SCML2: variants seen among roughly 807,000 people sequenced by gnomAD.
SCML2 encodes the protein Scm polycomb group protein like 2.
Under a neutral mutation model 48.4 loss-of-function variants are expected in SCML2, and 6 were observed. The observed-to-expected ratio is 0.12, with a 90% CI of 0.07 to 0.24. SCML2 has a LOEUF of 0.24. Ranked by LOEUF, SCML2 falls within the 10% of genes least tolerant of loss-of-function variation. The pLI is 1.00. For synonymous variants in SCML2, 181 were observed against 189.5 expected, an observed-to-expected ratio of 0.95 and a Z score of 0.37; for missense variants, 377 against 528.2, an observed-to-expected ratio of 0.71 and a Z score of 2.81.
intron 1 of SCML2, among the ~76,000 whole-genome samples, chrX:18,347,985 A>C (rs1005485487): frequency 6.3e-5 from 7 of 111,416 alleles, no homozygotes; most frequent in African/African-American, 2.3e-4. Flanking sequence ...AATTTAAGTT[A>C]CCCCCCAAAA....
At chrX:18,336,370 C>T (rs1440673226) in intron 1 of SCML2, among the ~76,000 whole-genome samples, 3 of 102,449 alleles carry the variant, frequency 2.9e-5, no homozygotes, top group Non-Finnish European at 5.9e-5. Context: ...ACCCAGGAGG[C>T]GGAGGTTGCA....
chrX:18,340,242 A>G (rs937198083), intron 1 of SCML2, among the ~76,000 whole-genome samples: 1 of 110,204 alleles, frequency 9.1e-6, no homozygotes, highest in African/African-American at 3.3e-5. Flanking sequence ...AGTGAAACCC[A>G]TCTCTACAAA....
chrX:18,262,870 T>C (rs1372290525), intron 8 of SCML2, among the ~76,000 whole-genome samples: 1 of 107,329 alleles, frequency 9.3e-6, no homozygotes, highest in Non-Finnish European at 1.9e-5. Flanking sequence ...CGTGTGCCAC[T>C]GCACCCAGCT....
chrX:18,286,370 A>G (rs1338253977), intron 7 of SCML2, among the ~76,000 whole-genome samples: 1 of 111,970 alleles, frequency 8.9e-6, no homozygotes, highest in African/African-American at 3.2e-5. Context: ...TAAAAATAAC[A>G]TTAGAAATAC....
At chrX:18,244,561 A>T (rs1926374712) in intron 13 of SCML2, among the ~76,000 whole-genome samples, 1 of 111,975 alleles carries the variant, frequency 8.9e-6, no homozygotes, top group Admixed American at 9.5e-5. Context: ...TCTTCAAAAC[A>T]ATCAGAGAAG....
intron 6 of SCML2, among the ~76,000 whole-genome samples, chrX:18,318,335 T>C (rs549285517): frequency 8.9e-6 from 1 of 112,752 alleles, no homozygotes; most frequent in South Asian, 3.7e-4. Flanking sequence ...TTCAATCTTC[T>C]TCAAAAGCTT....
chrX:18,250,872 G>A (rs996950600), intron 11 of SCML2, among the ~76,000 whole-genome samples: 43 of 110,585 alleles, frequency 3.9e-4, no homozygotes, highest in African/African-American at 1.4e-3. Context: ...CATGGCTGGG[G>A]AGGACTCACA....
intron 2 of SCML2, among the ~76,000 whole-genome samples, chrX:18,331,498 G>A (rs1200688009): frequency 9.1e-6 from 1 of 110,488 alleles, no homozygotes; most frequent in East Asian, 2.8e-4. Flanking sequence ...AATCTAAGAT[G>A]TATCATTTCA....
intron 1 of SCML2, among the ~76,000 whole-genome samples, chrX:18,344,002 T>TCAC (rs1930119656): frequency 9.6e-6 from 1 of 104,441 alleles, no homozygotes; most frequent in African/African-American, 3.5e-5. Flanking sequence ...AACCAAACTC[T>TCAC]CATTCCCTAT....
chrX:18,241,355 G>A lies in SCML2; in HGVS notation c.1999C>T (p.Leu667=), dbSNP rs959487267. The A allele has an allele frequency of 1.7e-6, 2 of 1,165,406 alleles. No homozygotes were observed. Among genetic ancestry groups the A allele is most frequent in the Non-Finnish European group, 2.3e-6 (2 of 872,132 alleles). The change falls in exon 15 of 15, where the codon CTA becomes TTA. Residue 667 remains leucine (L), a synonymous_variant. Transcript: ENST00000251900. ...QHEIDGKALF[L]LKSDVMMKYM... is the part of the protein sequence containing the mutation. ...TTCATCATCACATCACTCTTGAGTA[G>A]GAACAGAGCCTTCCCATCAATTTCC...
chrX:18,280,180 C>A (rs1927781063), intron 7 of SCML2, among the ~76,000 whole-genome samples: 1 of 111,722 alleles, frequency 9.0e-6, no homozygotes. Flanking sequence ...AGAAACCTTA[C>A]AAGCCAGAAG....
intron 7 of SCML2, among the ~76,000 whole-genome samples, chrX:18,301,196 G>A (rs772204391): frequency 4.5e-5 from 5 of 111,043 alleles, no homozygotes; most frequent in African/African-American, 9.8e-5. Flanking sequence ...TCAGGAGTTC[G>A]AGACCAGCCT....
chrX:18,246,451 A>G (rs754715215), intron 13 of SCML2, 126 bp downstream of exon 13: 512 of 648,997 alleles, frequency 7.9e-4, no homozygotes, highest in Non-Finnish European at 1.1e-3. Flanking sequence ...AGTGATGTGA[A>G]AGAGAGGACT....
intron 11 of SCML2, among the ~76,000 whole-genome samples, chrX:18,254,692 G>C (rs1372434427): frequency 2.7e-5 from 3 of 111,672 alleles, no homozygotes; most frequent in Non-Finnish European, 3.8e-5. Context: ...GGGAGGCCAA[G>C]GTGGAAGGAT....
intron 8 of SCML2, among the ~76,000 whole-genome samples, chrX:18,263,808 G>A: frequency 9.3e-6 from 1 of 106,961 alleles, no homozygotes; most frequent in East Asian, 2.9e-4. Context: ...ATTTCAGGTT[G>A]ATAGTTTTTT....
At chrX:18,258,958 T>C (rs1019577772) in intron 9 of SCML2, among the ~76,000 whole-genome samples, 1 of 111,093 alleles carries the variant, frequency 9.0e-6, no homozygotes, top group Non-Finnish European at 1.9e-5. Flanking sequence ...TGCAAATCAA[T>C]ATACACTATA....
At chrX:18,348,768 A>AATTC (rs2147573864) in intron 1 of SCML2, among the ~76,000 whole-genome samples, 1 of 112,243 alleles carries the variant, frequency 8.9e-6, no homozygotes, top group East Asian at 2.8e-4. Flanking sequence ...CCAAAGAAAA[A>AATTC]AAAGCAACAG....
chrX:18,352,489 C>A (rs1930405708), intron 1 of SCML2, among the ~76,000 whole-genome samples: 1 of 112,142 alleles, frequency 8.9e-6, no homozygotes, highest in Non-Finnish European at 1.9e-5. Flanking sequence ...AGAATTATGA[C>A]AAAAATACTG....
rs777650665 is a variant in SCML2 at position 18,348,786 on chromosome X, C to T, written c.-25+5806G>A. ...AAGAAAAAAAAGCAACAGTTCATAG[C>T]AAAGGGCACATGTTTCCAAATGTAT... On this transcript the variant is annotated intron_variant, in intron 1 of 14. Transcript: ENST00000251900. Among the ~76,000 whole-genome samples, 7 of 111,392 alleles carry T rather than the reference C, an allele frequency of 6.3e-5. No individual in the cohort carries two copies. In the South Asian group the frequency reaches 2.6e-3, roughly 42 times the overall value.
Sources: allele counts gnomAD v4.1 joint callset (sites outside exome capture counted in the v4.1 genomes callset), GRCh38; gene constraint gnomAD v4.1.1; transcripts MANE v1.5; gene names NCBI Gene and HGNC (gene_info 2026-07-23, HGNC 2026-07-21).